The following GRK5 variants were observed in gnomAD, a reference collection of about 807,000 sequenced individuals.
GRK5 encodes G protein-coupled receptor kinase 5, also known as g protein-coupled receptor kinase GRK5.
A neutral mutation model predicts 78.4 loss-of-function variants in GRK5; 40 were observed. The observed-to-expected ratio is 0.51, with a 90% CI of 0.40 to 0.66. The LOEUF is 0.66. GRK5 is among the 30% of genes least tolerant of loss of function. The pLI, the probability that GRK5 is intolerant of heterozygous loss-of-function variation, is 0.00. For missense variants in GRK5, 598 were observed against 759.9 expected, an observed-to-expected ratio of 0.79 and a Z score of 2.50; for synonymous variants, 289 against 296.8, an observed-to-expected ratio of 0.97 and a Z score of 0.27.
At chr10:119,442,209 A>C (rs774372118) in intron 11 of GRK5, 121 bp downstream of exon 11, 12 of 796,020 alleles carry the variant, frequency 1.5e-5, no homozygotes, top group Non-Finnish European at 2.3e-5. Flanking sequence ...GATCACACAC[A>C]GAGTCACAGT....
At chr10:119,227,571 AAAC>A (rs1366405375) in intron 1 of GRK5, among the ~76,000 whole-genome samples, 2 of 152,122 alleles carry the variant, frequency 1.3e-5, no homozygotes, top group Non-Finnish European at 2.9e-5. Context: ...ACTTGATCTC[AAAC>A]AACAACAACA....
At chr10:119,338,409 C>A (rs571432076) in intron 2 of GRK5, among the ~76,000 whole-genome samples, 15 of 152,338 alleles carry the variant, frequency 9.8e-5, no homozygotes, top group African/African-American at 2.9e-4. Context: ...AATTTTACAT[C>A]TCAGACAGAG....
At chr10:119,391,125 A>G (rs765864544) in intron 3 of GRK5, among the ~76,000 whole-genome samples, 12 of 152,226 alleles carry the variant, frequency 7.9e-5, no homozygotes, top group Non-Finnish European at 1.6e-4. Flanking sequence ...ACAGGAGTCC[A>G]TTCTTCCCTC....
At chr10:119,415,833 A>G (rs964051850) in intron 4 of GRK5, among the ~76,000 whole-genome samples, 2 of 152,204 alleles carry the variant, frequency 1.3e-5, no homozygotes, top group African/African-American at 2.4e-5. Context: ...TGGGCCAGCA[A>G]GTGACTTGCA....
intron 5 of GRK5, among the ~76,000 whole-genome samples, chr10:119,424,256 T>A (rs1023884628): frequency 2.6e-5 from 4 of 152,144 alleles, no homozygotes; most frequent in African/African-American, 9.7e-5. Context: ...GGACACAGAC[T>A]CTGACGTGCC....
At chr10:119,386,646 G>A (rs571978788) in intron 3 of GRK5, among the ~76,000 whole-genome samples, 2 of 152,324 alleles carry the variant, frequency 1.3e-5, no homozygotes, top group African/African-American at 4.8e-5. Context: ...TCCCTTCTGC[G>A]TTTTCATCTG....
At chr10:119,242,298 G>C (rs1028413115) in intron 1 of GRK5, among the ~76,000 whole-genome samples, 1 of 151,928 alleles carries the variant, frequency 6.6e-6, no homozygotes, top group Non-Finnish European at 1.5e-5. Context: ...TGGGGAGCCC[G>C]ATCTAGCTTA....
intron 1 of GRK5, among the ~76,000 whole-genome samples, chr10:119,319,165 C>T (rs1052270323): frequency 6.6e-6 from 1 of 152,198 alleles, no homozygotes. Flanking sequence ...CTTCCCCAGT[C>T]TGGCAGGAGG....
At chr10:119,320,840 GGGA>G (rs969585464) in intron 1 of GRK5, among the ~76,000 whole-genome samples, 3 of 152,246 alleles carry the variant, frequency 2.0e-5, no homozygotes, top group African/African-American at 7.2e-5. Flanking sequence ...CGGGGGAGGT[GGGA>G]GGTGATGGCC....
intron 1 of GRK5, among the ~76,000 whole-genome samples, chr10:119,287,250 GGA>G (rs1266562189): frequency 4.2e-5 from 6 of 141,254 alleles, no homozygotes; most frequent in Middle Eastern, 3.6e-3. Flanking sequence ...AGGGAGGAAG[GGA>G]GAGAGGAGGA....
intron 1 of GRK5, among the ~76,000 whole-genome samples, chr10:119,319,814 ACCTCCTGAATGAGGGC>A (rs2133753752): frequency 6.6e-6 from 1 of 152,270 alleles, no homozygotes; most frequent in South Asian, 2.1e-4. Context: ...TAGGGTCAGT[ACCTCCTGAATGAGGGC>A]CAAATGTACA....
At chr10:119,390,244 C>T (rs1427736115) in intron 3 of GRK5, among the ~76,000 whole-genome samples, 1 of 151,664 alleles carries the variant, frequency 6.6e-6, no homozygotes, top group African/African-American at 2.4e-5. Flanking sequence ...ATACCCAAGA[C>T]TGGGCAGTTT....
intron 8 of GRK5, among the ~76,000 whole-genome samples, chr10:119,434,894 G>T (rs1271541389): frequency 1.3e-5 from 2 of 152,234 alleles, no homozygotes; most frequent in Admixed American, 6.5e-5. Context: ...ACTTCTACCT[G>T]AGCATTCAGG....
intron 4 of GRK5, among the ~76,000 whole-genome samples, chr10:119,420,128 C>T (rs1852539122): frequency 6.6e-6 from 1 of 152,112 alleles, no homozygotes; most frequent in South Asian, 2.1e-4. Flanking sequence ...TTCTGGACCT[C>T]GGTTTCCTCA....
intron 1 of GRK5, among the ~76,000 whole-genome samples, chr10:119,236,766 A>G (rs1258057589): frequency 1.3e-5 from 2 of 151,960 alleles, no homozygotes; most frequent in East Asian, 3.9e-4. Flanking sequence ...CAGCCTCACA[A>G]GTAGCTGGGC....
rs904398349 is a variant in GRK5 at position 119,207,572 on chromosome 10, G to T, written c.-346G>T. 1.3e-4 allele frequency: 34 copies of T among 265,058 alleles called. No homozygotes were observed. The highest frequency in any genetic ancestry group is 2.3e-4 in the Non-Finnish European group (31 of 137,250). 16.4% of individuals were successfully genotyped at this position (265,058 alleles called of 1,614,324 possible). A position where few individuals can be genotyped will look rare whatever the true frequency, so the allele number is the denominator to read the frequency against. On this transcript the variant is annotated 5_prime_UTR_variant, in exon 1 of 16. Coordinates refer to ENST00000392870, the MANE Select transcript of GRK5 (RefSeq NM_005308.3). ...CCCCGGGAGGGACTGAGGGGAGGCAGAAGCATCCGAGGCATTAAAGCATCC... is the reference window on the plus strand; with the variant it reads ...CCCCGGGAGGGACTGAGGGGAGGCATAAGCATCCGAGGCATTAAAGCATCC...
chr10:119,235,153 T>C (rs1168764548), intron 1 of GRK5, among the ~76,000 whole-genome samples: 2 of 129,398 alleles, frequency 1.5e-5, no homozygotes, highest in Non-Finnish European at 3.1e-5. Context: ...TTTTTTTTTA[T>C]TTTTTTTATT....
intron 2 of GRK5, among the ~76,000 whole-genome samples, chr10:119,350,292 G>A (rs1851169332): frequency 6.6e-6 from 1 of 152,242 alleles, no homozygotes; most frequent in Admixed American, 6.5e-5. Flanking sequence ...TTTAGCCATG[G>A]GAGGGAGAGG....
chr10:119,391,445 T>G (rs937374314), intron 3 of GRK5, among the ~76,000 whole-genome samples: 1 of 152,052 alleles, frequency 6.6e-6, no homozygotes, highest in African/African-American at 2.4e-5. Context: ...GCCCCATGTG[T>G]GAATGGAGGA....
Sources: allele counts gnomAD v4.1 joint callset (sites outside exome capture counted in the v4.1 genomes callset), GRCh38; gene constraint gnomAD v4.1.1; transcripts MANE v1.5; gene names NCBI Gene and HGNC (gene_info 2026-07-23, HGNC 2026-07-21).